ZNF695: variants seen among roughly 807,000 people sequenced by gnomAD.
The protein encoded by ZNF695 is zinc finger protein SBZF3.
Under a neutral mutation model 11.2 loss-of-function variants are expected in ZNF695, and 11 were observed. The observed-to-expected ratio is 0.98, with a 90% CI of 0.62 to 1.62. The LOEUF (loss-of-function observed/expected upper bound fraction) is 1.62, where lower values mean the gene tolerates loss of function less well. Among genes scored for constraint, ZNF695 ranks in the 40% most tolerant of loss-of-function variants. The probability of loss-of-function intolerance (pLI) is 0.00; values close to 1 mark genes in which losing one functional copy is unlikely to be tolerated. For missense variants in ZNF695, 559 were observed against 590.5 expected, an observed-to-expected ratio of 0.95 and a Z score of 0.55; for synonymous variants, 190 against 201.4, an observed-to-expected ratio of 0.94 and a Z score of 0.48.
At chr1:246,966,359 T>C (rs1668290564) in intron 5 of ZNF695, among the ~76,000 whole-genome samples, 1 of 152,162 alleles carries the variant, frequency 6.6e-6, no homozygotes, top group Admixed American at 6.5e-5. Flanking sequence ...CAGGTACCTG[T>C]AATCCCAGCT....
chr1:246,962,590 G>C (rs1193843947), intron 5 of ZNF695, among the ~76,000 whole-genome samples: 4 of 152,070 alleles, frequency 2.6e-5, no homozygotes, highest in African/African-American at 9.7e-5. Flanking sequence ...CGTGGGGCTG[G>C]CCTCTTCACC....
At chr1:246,979,679 AATTT>A (rs748801026) in intron 4 of ZNF695, among the ~76,000 whole-genome samples, 6 of 152,210 alleles carry the variant, frequency 3.9e-5, no homozygotes, top group Non-Finnish European at 8.8e-5. Context: ...ATGGTTGAGA[AATTT>A]ATTTTTAGGC....
At chr1:246,947,137 C>CAA (rs756767246) in intron 5 of ZNF695, among the ~76,000 whole-genome samples, 22 of 90,318 alleles carry the variant, frequency 2.4e-4, no homozygotes, top group South Asian at 1.2e-3. Context: ...GAGACTCCGT[C>CAA]AAAAAAAAAA....
chr1:246,980,446 T>TTA (rs1367993747), downstream of ZNF695, among the ~76,000 whole-genome samples: 2 of 150,708 alleles, frequency 1.3e-5, no homozygotes, highest in Admixed American at 1.3e-4. Flanking sequence ...AGACAGACTC[T>TTA]TACTCTGTCG....
chr1:246,997,427 C>T (rs1467380831), intron 3 of ZNF695, among the ~76,000 whole-genome samples: 1 of 151,336 alleles, frequency 6.6e-6, no homozygotes, highest in Non-Finnish European at 1.5e-5. Flanking sequence ...CTCTTGAACC[C>T]GGGAGGCGGA....
intron 3 of ZNF695, among the ~76,000 whole-genome samples, chr1:246,997,725 T>C (rs2103030069): frequency 6.6e-6 from 1 of 152,336 alleles, no homozygotes; most frequent in South Asian, 2.1e-4. Flanking sequence ...AATAGAGTAT[T>C]ATTAAGCAAT....
chr1:246,982,004 C>G (rs1668721771), downstream of ZNF695, among the ~76,000 whole-genome samples: 1 of 152,142 alleles, frequency 6.6e-6, no homozygotes, highest in Non-Finnish European at 1.5e-5. Flanking sequence ...GGGGCAGTGG[C>G]TAAAGCTTGT....
At chr1:246,949,153 C>A (rs1452107397) in intron 5 of ZNF695, among the ~76,000 whole-genome samples, 1 of 152,098 alleles carries the variant, frequency 6.6e-6, no homozygotes, top group East Asian at 1.9e-4. Context: ...AACAGAAGGA[C>A]CCTGCTGGTA....
intron 5 of ZNF695, among the ~76,000 whole-genome samples, chr1:246,951,814 G>T (rs1667875356): frequency 6.6e-6 from 1 of 152,144 alleles, no homozygotes; most frequent in Non-Finnish European, 1.5e-5. Context: ...GATAGAATGA[G>T]CCCCATAGGC....
intron 4 of ZNF695, among the ~76,000 whole-genome samples, chr1:246,976,436 C>G (rs192871049): frequency 6.6e-6 from 1 of 152,152 alleles, no homozygotes; most frequent in African/African-American, 2.4e-5. Flanking sequence ...ATAAGACATT[C>G]TATTTCAGTG....
At chr1:246,959,867 C>T (rs895697791) in intron 5 of ZNF695, among the ~76,000 whole-genome samples, 5 of 152,208 alleles carry the variant, frequency 3.3e-5, no homozygotes, top group Admixed American at 3.3e-4. Flanking sequence ...TGAAGATAGG[C>T]GGTGAAAGTG....
intron 5 of ZNF695, among the ~76,000 whole-genome samples, chr1:246,961,103 A>G (rs1054295158): frequency 3.9e-5 from 6 of 152,218 alleles, no homozygotes; most frequent in Non-Finnish European, 2.9e-5. Flanking sequence ...GTTGATGACC[A>G]AGAAACTTAG....
chr1:246,976,462 G>A (rs1334542427), intron 4 of ZNF695, among the ~76,000 whole-genome samples: 2 of 152,082 alleles, frequency 1.3e-5, no homozygotes, highest in East Asian at 3.9e-4. Context: ...GTTGTAGTAG[G>A]CAACATTTGC....
At chr1:247,006,097 C>T (rs986962344) in intron 1 of ZNF695, among the ~76,000 whole-genome samples, 6 of 151,872 alleles carry the variant, frequency 4.0e-5, no homozygotes, top group Non-Finnish European at 5.9e-5. Flanking sequence ...TAGTGGCACA[C>T]GCCTGTGGTC....
In ZNF695 at chr1:246,986,640, TGTTTC is replaced by T. The variant is rs1265497208; in HGVS notation, c.*322_*326del. 14 of 1,038,174 alleles carry T rather than the reference TGTTTC, an allele frequency of 1.3e-5. No individual in the cohort carries two copies. Among genetic ancestry groups the T allele is most frequent in the Non-Finnish European group, 1.6e-5 (14 of 864,696 alleles). The allele number at this position is 1,038,174 out of a possible 1,614,324, so 64.3% of individuals were successfully genotyped here. On this transcript the variant is annotated 3_prime_UTR_variant, in exon 4 of 4. Coordinates refer to ENST00000339986, the MANE Select transcript of ZNF695 (RefSeq NM_020394.5). ...TGAGGTATATTTTTTGAACAAATGT[TGTTTC>T]TGCATTTATTACATTTGTAGGGTTT...
intron 1 of ZNF695, among the ~76,000 whole-genome samples, chr1:247,005,162 A>C (rs1669496561): frequency 6.6e-6 from 1 of 152,208 alleles, no homozygotes; most frequent in African/African-American, 2.4e-5. Context: ...AACTGGAAGA[A>C]TTACTCTACT....
At chr1:246,984,907 G>A (rs910005080), downstream of ZNF695, among the ~76,000 whole-genome samples, 3 of 152,086 alleles carry the variant, frequency 2.0e-5, no homozygotes, top group Non-Finnish European at 2.9e-5. Context: ...AAAATTATAC[G>A]TTAGCTCTAG....
chr1:246,979,094 G>A (rs1482235220), intron 4 of ZNF695, among the ~76,000 whole-genome samples: 2 of 152,168 alleles, frequency 1.3e-5, no homozygotes, highest in Non-Finnish European at 2.9e-5. Context: ...GTATACACGT[G>A]TAACCTAGGC....
chr1:246,999,495 T>C (rs181211236), intron 2 of ZNF695, 55 bp from the exon 3 acceptor site: 296 of 1,389,388 alleles, frequency 2.1e-4, no homozygotes, highest in Non-Finnish European at 2.7e-4. Context: ...TAATCACCTT[T>C]TACTATGCTC....
Sources: allele counts gnomAD v4.1 joint callset (sites outside exome capture counted in the v4.1 genomes callset), GRCh38; gene constraint gnomAD v4.1.1; transcripts MANE v1.5; gene names NCBI Gene and HGNC (gene_info 2026-07-23, HGNC 2026-07-21).